The following CEP350 variants were observed in gnomAD, a reference collection of about 807,000 sequenced individuals.
The protein encoded by CEP350 is centrosome-associated protein 350.
In CEP350, 126 loss-of-function variants were observed where a neutral mutation model predicts 331.8. That is an observed-to-expected ratio of 0.38 (90% confidence interval 0.33 to 0.44). The LOEUF is 0.44. Ranked by LOEUF, CEP350 falls within the 20% of genes least tolerant of loss-of-function variation. CEP350 has a pLI of 1.00. For synonymous variants in CEP350, 1,200 were observed against 1,259.5 expected, an observed-to-expected ratio of 0.95 and a Z score of 1.00; for missense variants, 3,406 against 3,634.6, an observed-to-expected ratio of 0.94 and a Z score of 1.62.
At chr1:179,986,023 T>C (rs1176707963) in intron 1 of CEP350, 146 bp from the exon 2 acceptor site, 5 of 599,214 alleles carry the variant, frequency 8.3e-6, no homozygotes, top group East Asian at 2.9e-5. Flanking sequence ...CCAGCTGTTA[T>C]TATTTTGTGT....
intron 23 of CEP350, 43 bp downstream of exon 23, chr1:180,053,209 G>T: frequency 1.0e-6 from 1 of 986,038 alleles, no homozygotes. Flanking sequence ...TTGTGGATAT[G>T]TTCTCTCAAA....
intron 5 of CEP350, among the ~76,000 whole-genome samples, chr1:179,993,196 T>C (rs1415827340): frequency 1.3e-5 from 2 of 152,020 alleles, no homozygotes; most frequent in South Asian, 2.1e-4. Flanking sequence ...GGAAAAATTA[T>C]AGAAAGAAGG....
chr1:180,056,872 C>G (rs944227182), intron 25 of CEP350, among the ~76,000 whole-genome samples: 3 of 151,990 alleles, frequency 2.0e-5, no homozygotes, highest in African/African-American at 7.3e-5. Flanking sequence ...GTATTTCATT[C>G]CTTAAAACAA....
At chr1:179,969,086 T>A in intron 1 of CEP350, 1 of 695,928 alleles carries the variant, frequency 1.4e-6, no homozygotes, top group South Asian at 1.4e-5. Context: ...TAACACAGAG[T>A]CTCCTTTGCG....
intron 12 of CEP350, among the ~76,000 whole-genome samples, chr1:180,021,593 G>A: frequency 6.6e-6 from 1 of 152,070 alleles, no homozygotes; most frequent in East Asian, 1.9e-4. Flanking sequence ...GGTAGGCGGA[G>A]GTTGCAGTGA....
chr1:179,965,615 CTTTTTTTTTT>C (rs747027286), intron 1 of CEP350, among the ~76,000 whole-genome samples: 5 of 84,420 alleles, frequency 5.9e-5, no homozygotes, highest in Admixed American at 1.7e-4. Context: ...TTTTTCTTTT[CTTTTTTTTTT>C]TTTTTTTTTT....
rs1652642968 is a variant in CEP350, at chr1:179,986,300, CAT to C, written c.73+47_73+48del. On this transcript the variant is annotated intron_variant, in intron 2 of 37. Coordinates refer to ENST00000367607, the MANE Select transcript of CEP350 (RefSeq NM_014810.5). ...ACAGAACTTAATACCTCATTTAGGT[CAT>C]GTGTATTAAATTTTGGTCTAATAAA... 3 of 1,349,724 alleles carry C rather than the reference CAT, an allele frequency of 2.2e-6. No homozygotes were observed. In the Admixed American group the frequency reaches 6.3e-5, roughly 28 times the overall value. 83.6% of individuals were successfully genotyped at this position (1,349,724 alleles called of 1,614,324 possible). A position where few individuals can be genotyped will look rare whatever the true frequency, so the allele number is the denominator to read the frequency against.
In CEP350 at chr1:179,969,455, C is replaced by T. The variant is rs978704039; in HGVS notation, c.-14+14313C>T. On this transcript the variant is annotated intron_variant, in intron 1 of 37. Coordinates refer to ENST00000367607, the MANE Select transcript of CEP350 (RefSeq NM_014810.5). ...CTGGAGTGCTCAGAAGACTGGTCTACAGCTCCCACTGCTCAGGCCACTGAA... is the reference window on the plus strand; with the variant it reads ...CTGGAGTGCTCAGAAGACTGGTCTATAGCTCCCACTGCTCAGGCCACTGAA... 157 of 491,324 alleles carry T rather than the reference C, an allele frequency of 3.2e-4. 3 individuals are homozygous for T. The highest frequency in any genetic ancestry group is 2.2e-3 in the South Asian group (151 of 68,690). The allele number at this position is 491,324 out of a possible 1,614,324, so 30.4% of individuals were successfully genotyped here. A position where few individuals can be genotyped will look rare whatever the true frequency, so the allele number is the denominator to read the frequency against.
Position 180,111,202 on chromosome 1 carries a change from C to T in CEP350, c.*41C>T. The T allele has an allele frequency of 6.2e-7, 1 of 1,601,996 alleles. No individual in the cohort carries two copies. Among genetic ancestry groups the T allele is most frequent in the Non-Finnish European group, 8.5e-7 (1 of 1,171,810 alleles). ...TCGAACGCTGAGTGCTAATGTGAGT[C>T]CTGGGCCTTTCTGCCTCCTGATGTA... On this transcript the variant is annotated 3_prime_UTR_variant, in exon 38 of 38. Transcript: ENST00000367607.
intron 6 of CEP350, among the ~76,000 whole-genome samples, chr1:180,001,329 G>C (rs1284616157): frequency 2.0e-5 from 3 of 152,148 alleles, no homozygotes; most frequent in African/African-American, 7.2e-5. Flanking sequence ...CATAATCTCA[G>C]CTCACTGCAA....
intron 27 of CEP350, among the ~76,000 whole-genome samples, chr1:180,067,741 G>A (rs1658629871): frequency 6.6e-6 from 1 of 152,188 alleles, no homozygotes; most frequent in Admixed American, 6.5e-5. Context: ...AATTGGTGGT[G>A]CATAGGAAAG....
intron 24 of CEP350, 107 bp from the exon 25 acceptor site, chr1:180,054,308 A>T: frequency 1.1e-6 from 1 of 929,866 alleles, no homozygotes; most frequent in Non-Finnish European, 1.7e-6. Flanking sequence ...CACATTTGAA[A>T]ATGTTAAATT....
At chr1:180,094,731 C>G in intron 34 of CEP350, 115 bp downstream of exon 34, 1 of 1,137,114 alleles carries the variant, frequency 8.8e-7, no homozygotes, top group Non-Finnish European at 1.2e-6. Flanking sequence ...GTTTTTTTTC[C>G]CTTGACGTGT....
intron 14 of CEP350, among the ~76,000 whole-genome samples, chr1:180,028,736 T>G (rs918175574): frequency 2.6e-5 from 4 of 151,812 alleles, no homozygotes; most frequent in African/African-American, 9.7e-5. Flanking sequence ...TCCCCAAAGT[T>G]GAGGCTGCAG....
intron 7 of CEP350, 93 bp downstream of exon 7, chr1:180,003,380 A>G (rs891225730): frequency 1.9e-5 from 16 of 853,312 alleles, no homozygotes; most frequent in Non-Finnish European, 2.9e-5. Context: ...CAAACTAACA[A>G]TATTTTCCTT....
At chr1:180,011,537 G>A (rs1654657071) in intron 8 of CEP350, among the ~76,000 whole-genome samples, 1 of 152,124 alleles carries the variant, frequency 6.6e-6, no homozygotes, top group Admixed American at 6.5e-5. Flanking sequence ...TGCTTCCTGG[G>A]TTCAAGCGAT....
chr1:179,990,738 G>T (rs1228457974), intron 4 of CEP350, 117 bp downstream of exon 4: 1 of 523,832 alleles, frequency 1.9e-6, no homozygotes, highest in Non-Finnish European at 3.3e-6. Context: ...TTTATCTTTT[G>T]TAGAGACGAA....
At chr1:180,032,698 G>A (rs1281289168) in intron 15 of CEP350, among the ~76,000 whole-genome samples, 1 of 151,638 alleles carries the variant, frequency 6.6e-6, no homozygotes, top group Non-Finnish European at 1.5e-5. Flanking sequence ...CTTTCTTTTG[G>A]GGAAAGCTTA....
chr1:180,031,806 G>A (rs1465940966), intron 15 of CEP350, among the ~76,000 whole-genome samples: 2 of 151,958 alleles, frequency 1.3e-5, no homozygotes, highest in Non-Finnish European at 2.9e-5. Flanking sequence ...TCAATCTTTT[G>A]ACTAAGCAGC....
Sources: gnomAD v4.1 joint callset for allele counts (sites outside exome capture counted in the v4.1 genomes callset) on GRCh38, gnomAD v4.1.1 for gene constraint, MANE v1.5 for transcripts, NCBI Gene and HGNC (gene_info 2026-07-23, HGNC 2026-07-21) for gene names.